The following ZC3H12C variants were observed in gnomAD, a reference collection of about 807,000 sequenced individuals.
The protein encoded by ZC3H12C is zinc finger CCCH-type containing 12C.
ZC3H12C carries 20 observed loss-of-function variants against 76.3 expected under a neutral mutation model. The ratio of observed to expected loss-of-function variants is 0.26; its 90% CI spans 0.18 to 0.38. The LOEUF (loss-of-function observed/expected upper bound fraction) is 0.38. Among genes scored for constraint, ZC3H12C ranks in the 10% least tolerant of loss-of-function variants. The pLI, the probability that ZC3H12C is intolerant of heterozygous loss-of-function variation, is 1.00. For missense variants in ZC3H12C, 874 were observed against 1,086.5 expected (o/e 0.80, Z 2.75); for synonymous variants, 352 against 399.6 (o/e 0.88, Z 1.42).
chr11:110,094,162 T>C (rs925671867), intron 1 of ZC3H12C, among the ~76,000 whole-genome samples: 7 of 152,246 alleles, frequency 4.6e-5, no homozygotes, highest in South Asian at 4.1e-4. Context: ...ATCCAAGTAC[T>C]GATTACTCTG....
In ZC3H12C at chr11:110,165,714, G is replaced by A; in HGVS notation, c.2629G>A (p.Glu877Lys). 1 of 1,586,968 alleles carries A rather than the reference G, an allele frequency of 6.3e-7. No homozygotes were observed. Among genetic ancestry groups the A allele is most frequent in the Non-Finnish European group, 8.6e-7 (1 of 1,165,610 alleles). ...GCAGCTCGCCGCAGCCATTTTAGTGGAGAAATCCCAGCTGGGTTATTGAAA... is the reference window on the plus strand; with the variant it reads ...GCAGCTCGCCGCAGCCATTTTAGTGAAGAAATCCCAGCTGGGTTATTGAAA... Reference protein sequence around the residue: ...AQQLAAAILVEKSQLGY With the variant: ...AQQLAAAILVKKSQLGY The change falls in exon 6 of 6, where the codon GAG becomes AAG. Residue 877 changes from glutamate to lysine, a missense_variant. Transcript: ENST00000278590.
chr11:110,123,047 A>G (rs887441200), intron 1 of ZC3H12C, among the ~76,000 whole-genome samples: 1 of 152,204 alleles, frequency 6.6e-6, no homozygotes, highest in Non-Finnish European at 1.5e-5. Context: ...AAATGTATTA[A>G]TTTATTGTTT....
At chr11:110,114,608 G>A (rs527492578) in intron 1 of ZC3H12C, among the ~76,000 whole-genome samples, 9 of 152,028 alleles carry the variant, frequency 5.9e-5, no homozygotes, top group Non-Finnish European at 1.3e-4. Context: ...CTGGATAATC[G>A]TGGACCATGC....
At chr11:110,153,861 G>C (rs1422037762) in intron 3 of ZC3H12C, among the ~76,000 whole-genome samples, 1 of 152,202 alleles carries the variant, frequency 6.6e-6, no homozygotes, top group African/African-American at 2.4e-5. Flanking sequence ...AAATGTATGA[G>C]TTTCAGGCAA....
intron 1 of ZC3H12C, chr11:110,131,255 T>C: frequency 1.5e-6 from 1 of 687,160 alleles, no homozygotes; most frequent in Non-Finnish European, 2.4e-6. Flanking sequence ...AAGTTATTTT[T>C]GTGAAATATG....
At chr11:110,136,467 G>T (rs1233116676) in intron 1 of ZC3H12C, 196 bp from the exon 2 acceptor site, 2 of 578,140 alleles carry the variant, frequency 3.5e-6, no homozygotes, top group Non-Finnish European at 5.9e-6. Context: ...GAATTACATG[G>T]CCTTTCTAAT....
At chr11:110,109,714 A>T (rs1861393916) in intron 1 of ZC3H12C, among the ~76,000 whole-genome samples, 1 of 152,174 alleles carries the variant, frequency 6.6e-6, no homozygotes, top group Admixed American at 6.5e-5. Context: ...TGCATTTACA[A>T]CATAAATTTT....
chr11:110,161,575 G>A (rs1330864155), intron 4 of ZC3H12C, among the ~76,000 whole-genome samples: 1 of 152,172 alleles, frequency 6.6e-6, no homozygotes, highest in Non-Finnish European at 1.5e-5. Flanking sequence ...ATAATTTTGT[G>A]TGTGCCTTAT....
At position 110,137,434 on chromosome 11, in the gene ZC3H12C, C is replaced by T. The variant is rs1861986665; in HGVS notation, c.773+20C>T. 9 of 1,556,478 alleles carry T rather than the reference C, an allele frequency of 5.8e-6. No homozygotes were observed. The highest frequency in any genetic ancestry group is 7.8e-6 in the Non-Finnish European group (9 of 1,156,964). On this transcript the variant is annotated intron_variant, in intron 2 of 5. Coordinates refer to ENST00000278590, the MANE Select transcript of ZC3H12C (RefSeq NM_033390.2). ...AATGAGGTAAGTGGAAAAATCGTTA[C>T]TGAAAATTACTACCAAATAATCTTT...
chr11:110,147,626 A>C (rs1299195670), intron 2 of ZC3H12C, among the ~76,000 whole-genome samples: 1 of 152,032 alleles, frequency 6.6e-6, no homozygotes, highest in Non-Finnish European at 1.5e-5. Context: ...AATTAAAAAA[A>C]AAAAAGAAAA....
intron 1 of ZC3H12C, among the ~76,000 whole-genome samples, chr11:110,101,903 G>A (rs1351859107): frequency 6.6e-6 from 1 of 151,826 alleles, no homozygotes; most frequent in Non-Finnish European, 1.5e-5. Flanking sequence ...GAACAACAAA[G>A]CTTGGATCAG....
At chr11:110,098,290 A>G (rs1044924846) in intron 1 of ZC3H12C, among the ~76,000 whole-genome samples, 5 of 152,238 alleles carry the variant, frequency 3.3e-5, no homozygotes, top group Admixed American at 3.3e-4. Flanking sequence ...GAATAAGGAT[A>G]TAAAGAAAGA....
chr11:110,107,383 T>TG (rs1306835401), intron 1 of ZC3H12C, among the ~76,000 whole-genome samples: 10 of 152,044 alleles, frequency 6.6e-5, no homozygotes, highest in South Asian at 2.1e-4. Context: ...GAAGTCTTTT[T>TG]TTTGTTTGTT....
rs780568231 is a variant in ZC3H12C at position 110,165,029 on chromosome 11, T to C, written c.1944T>C (p.Tyr648=). 35 of 1,613,848 alleles carry C rather than the reference T, an allele frequency of 2.2e-5. No homozygotes were observed. Among genetic ancestry groups the C allele is most frequent in the Admixed American group, 5.0e-5 (3 of 60,006 alleles). Residue 648 remains tyrosine, a synonymous_variant, in exon 6 of 6, where the codon TAT becomes TAC. Coordinates refer to ENST00000278590, the MANE Select transcript of ZC3H12C (RefSeq NM_033390.2). ...ACGTGGGTTACAATGACCGGTCCTA[T>C]GTCAGCTCCCCCGACCCACAGCTAG... ...DSYVGYNDRS[Y]VSSPDPQLEE...
intron 1 of ZC3H12C, among the ~76,000 whole-genome samples, chr11:110,128,741 G>A (rs1043905557): frequency 4.6e-5 from 7 of 151,942 alleles, no homozygotes; most frequent in South Asian, 2.1e-4. Flanking sequence ...TATATGTTAC[G>A]TTTTTCATAT....
chr11:110,113,259 C>G (rs1861468147), intron 1 of ZC3H12C, among the ~76,000 whole-genome samples: 1 of 152,096 alleles, frequency 6.6e-6, no homozygotes, highest in South Asian at 2.1e-4. Context: ...TCTACAACCT[C>G]TAATTGAAAT....
chr11:110,146,551 C>T (rs1029526119), intron 2 of ZC3H12C, among the ~76,000 whole-genome samples: 3 of 152,176 alleles, frequency 2.0e-5, no homozygotes, highest in African/African-American at 7.2e-5. Flanking sequence ...GGTTGCATCT[C>T]TTGCATCTTC....
At chr11:110,158,485 G>T (rs893933269) in intron 3 of ZC3H12C, among the ~76,000 whole-genome samples, 1 of 151,882 alleles carries the variant, frequency 6.6e-6, no homozygotes, top group East Asian at 1.9e-4. Flanking sequence ...ACTCCAGCCT[G>T]GGCGATAGAC....
chr11:110,146,664 A>G (rs1486094480), intron 2 of ZC3H12C, among the ~76,000 whole-genome samples: 2 of 152,238 alleles, frequency 1.3e-5, no homozygotes, highest in African/African-American at 2.4e-5. Flanking sequence ...TGGTAGTCCC[A>G]GAAAGGGGTT....
Sources: gnomAD v4.1 joint callset for allele counts (sites outside exome capture counted in the v4.1 genomes callset) on GRCh38, gnomAD v4.1.1 for gene constraint, MANE v1.5 for transcripts, NCBI Gene and HGNC (gene_info 2026-07-23, HGNC 2026-07-21) for gene names.